SLC35A5: variants seen among roughly 807,000 people sequenced by gnomAD.
The protein encoded by SLC35A5 is solute carrier family 35 member A5, also known as UDP-sugar transporter protein SLC35A5.
Under a neutral mutation model 36.3 loss-of-function variants are expected in SLC35A5, and 28 were observed. The observed-to-expected ratio is 0.77, with a 90% confidence interval of 0.57 to 1.06. The LOEUF is 1.06. SLC35A5 is among the 50% of genes least tolerant of loss of function. SLC35A5 has a pLI of 0.00. For missense variants in SLC35A5, 521 were observed against 499.3 expected (o/e 1.04, Z -0.41); for synonymous variants, 180 against 173.7 (o/e 1.04, Z -0.29).
At chr3:112,580,461 A>G in intron 5 of SLC35A5, 85 bp from the exon 6 acceptor site, 1 of 1,430,874 alleles carries the variant, frequency 7.0e-7, no homozygotes, top group Non-Finnish European at 9.3e-7. Context: ...TATTCAACCA[A>G]ATACTCAAGT....
intron 5 of SLC35A5, among the ~76,000 whole-genome samples, chr3:112,578,031 A>G (rs748360571): frequency 6.6e-6 from 1 of 152,196 alleles, no homozygotes; most frequent in Non-Finnish European, 1.5e-5. Flanking sequence ...GTTGCTAGGA[A>G]AACTTATAGT....
At chr3:112,563,025 A>T (rs997481718) in intron 1 of SLC35A5, among the ~76,000 whole-genome samples, 1 of 152,216 alleles carries the variant, frequency 6.6e-6, no homozygotes, top group Non-Finnish European at 1.5e-5. Context: ...GCGCCGTTGC[A>T]CTCCAGCCTG....
At chr3:112,563,858 G>T (rs1934065986) in intron 2 of SLC35A5, among the ~76,000 whole-genome samples, 1 of 142,118 alleles carries the variant, frequency 7.0e-6, no homozygotes, top group South Asian at 2.1e-4. Context: ...GAAGTAGAAG[G>T]ATATATTTGT....
At position 112,570,562 on chromosome 3, in the gene SLC35A5, A is replaced by G. The variant is rs763011166; in HGVS notation, c.252A>G (p.Lys84=). 84 of 1,607,598 alleles carry G rather than the reference A, an allele frequency of 5.2e-5. No homozygotes were observed. The highest frequency in any genetic ancestry group is 6.8e-5 in the Non-Finnish European group (80 of 1,178,144). Residue 84 remains lysine (K), a synonymous_variant, in exon 4 of 7, where the codon AAA becomes AAG. Transcript: ENST00000492406. The part of the protein sequence containing the change: ...IKKDHQSRNL[K]YASWKEFSDF... ...AAGATCATCAAAGTAGAAATTTGAA[A>G]TATGCTTCCTGGAAGGAATTCTCTG... is the stretch of plus-strand genomic sequence containing the variant.
rs186000366 is a variant in SLC35A5, at chr3:112,580,392, C to T, written c.429-154C>T. Among the ~76,000 whole-genome samples the T allele has an allele frequency of 5.9e-5, 9 of 152,218 alleles. No individual in the cohort carries two copies. In the East Asian group the frequency reaches 1.7e-3, roughly 29 times the overall value. On this transcript the variant is annotated intron_variant, in intron 5 of 6. Transcript: ENST00000492406. ...AAACATTAAATTTGAGAGACAGGCA[C>T]CAACAGTTTTTCTCTGAACTTGAGT...
rs1007431056 is a variant in SLC35A5 at position 112,582,922 on chromosome 3, A to G, written c.*186A>G. On this transcript the variant is annotated 3_prime_UTR_variant, in exon 7 of 7. Transcript: ENST00000492406. ...AGTACCCAAAGGCTAAGAAATTCTA[A>G]AGAACTGATACAGGAGTAACAATAT... 8 of 536,058 alleles carry G rather than the reference A, an allele frequency of 1.5e-5. No homozygotes were observed. Among genetic ancestry groups the G allele is most frequent in the Non-Finnish European group, 2.6e-5 (8 of 303,968 alleles). The allele number at this position is 536,058 out of a possible 1,614,324, so 33.2% of individuals were successfully genotyped here. A position where few individuals can be genotyped will look rare whatever the true frequency, so the allele number is the denominator to read the frequency against.
upstream of SLC35A5, chr3:112,561,667 G>A: frequency 1.2e-6 from 1 of 823,316 alleles, no homozygotes; most frequent in Non-Finnish European, 1.9e-6. Flanking sequence ...GACGGGACGC[G>A]ACGCGACGGG....
At chr3:112,561,671 C>CGACGG (rs1490803828), upstream of SLC35A5, 1 of 813,840 alleles carries the variant, frequency 1.2e-6, no homozygotes, top group Non-Finnish European at 1.9e-6. Flanking sequence ...GGACGCGACG[C>CGACGG]GACGGGACGG....
intron 2 of SLC35A5, among the ~76,000 whole-genome samples, chr3:112,566,300 C>T (rs1181129644): frequency 1.3e-5 from 2 of 152,120 alleles, no homozygotes; most frequent in African/African-American, 4.8e-5. Flanking sequence ...GTCCCTACTG[C>T]AGTTTTCTGC....
rs1576750210 is a variant in SLC35A5, at chr3:112,570,817, T to G, written c.360+147T>G. 2.0e-5 allele frequency: 15 copies of G among 763,046 alleles called. No homozygotes were observed. In the South Asian group the frequency reaches 3.2e-4, roughly 16 times the overall value. 47.3% of individuals were successfully genotyped at this position (763,046 alleles called of 1,614,324 possible). On this transcript the variant is annotated intron_variant, in intron 4 of 6. Coordinates refer to ENST00000492406, the MANE Select transcript of SLC35A5 (RefSeq NM_017945.5). ...TGAGATTTCCCCAGAATTATCTGAGTCCTGAATTATCAATATGCGTGCCAG... is the reference window on the plus strand; with the variant it reads ...TGAGATTTCCCCAGAATTATCTGAGGCCTGAATTATCAATATGCGTGCCAG...
intron 2 of SLC35A5, among the ~76,000 whole-genome samples, chr3:112,567,841 G>A (rs894814632): frequency 6.6e-6 from 1 of 152,232 alleles, no homozygotes; most frequent in Non-Finnish European, 1.5e-5. Flanking sequence ...GGGTTTGAAA[G>A]TTATAATCCA....
intron 1 of SLC35A5, 131 bp downstream of exon 1, chr3:112,562,404 T>A (rs989425029): frequency 2.0e-5 from 3 of 152,386 alleles, no homozygotes; most frequent in African/African-American, 4.8e-5. Flanking sequence ...CCCCCTCCTG[T>A]CGGGGAGGCG....
intron 2 of SLC35A5, among the ~76,000 whole-genome samples, chr3:112,568,398 T>C (rs1253964312): frequency 2.0e-5 from 3 of 152,212 alleles, no homozygotes; most frequent in Non-Finnish European, 4.4e-5. Flanking sequence ...TTTATGTTTA[T>C]CCTTGGCAAA....
chr3:112,581,504 A>G (rs572687984), intron 6 of SLC35A5, among the ~76,000 whole-genome samples, 178 bp downstream of exon 6: 4 of 152,230 alleles, frequency 2.6e-5, no homozygotes, highest in Non-Finnish European at 5.9e-5. Context: ...CTCATAATCA[A>G]TGCTGTCAGG....
intron 4 of SLC35A5, among the ~76,000 whole-genome samples, chr3:112,570,877 T>C (rs1008201416): frequency 6.6e-6 from 1 of 152,172 alleles, no homozygotes; most frequent in Non-Finnish European, 1.5e-5. Flanking sequence ...TGTATTAAAC[T>C]GGGCTGACTA....
chr3:112,582,805 C>A lies in SLC35A5; in HGVS notation c.*69C>A. On this transcript the variant is annotated 3_prime_UTR_variant, in exon 7 of 7. Transcript: ENST00000492406. ...CATTTTCAGTGTTTGTAATATTTAT[C>A]TTTTCACTTTGATAAACCAGAAATG... The A allele has an allele frequency of 7.8e-7, 1 of 1,278,472 alleles. No individual in the cohort carries two copies. Among genetic ancestry groups the A allele is most frequent in the Non-Finnish European group, 1.1e-6 (1 of 888,566 alleles). The allele number at this position is 1,278,472 out of a possible 1,614,324, so 79.2% of individuals were successfully genotyped here. A position where few individuals can be genotyped will look rare whatever the true frequency, so the allele number is the denominator to read the frequency against.
At chr3:112,578,676 C>T (rs1934765867) in intron 5 of SLC35A5, among the ~76,000 whole-genome samples, 1 of 152,102 alleles carries the variant, frequency 6.6e-6, no homozygotes, top group Non-Finnish European at 1.5e-5. Context: ...ATTTTACGTT[C>T]CTTAGAGCAT....
At chr3:112,571,915 T>C (rs976132438) in intron 4 of SLC35A5, among the ~76,000 whole-genome samples, 32 of 147,934 alleles carry the variant, frequency 2.2e-4, no homozygotes, top group African/African-American at 6.5e-4. Flanking sequence ...GGTGTTTGAC[T>C]TTCCACAGTT....
intron 2 of SLC35A5, among the ~76,000 whole-genome samples, chr3:112,563,773 C>T (rs987305933): frequency 1.3e-5 from 2 of 152,166 alleles, no homozygotes; most frequent in Non-Finnish European, 2.9e-5. Flanking sequence ...AAGAACCAGT[C>T]GTAACATTTG....
Sources: gnomAD v4.1 joint callset for allele counts (sites outside exome capture counted in the v4.1 genomes callset) on GRCh38, gnomAD v4.1.1 for gene constraint, MANE v1.5 for transcripts, NCBI Gene and HGNC (gene_info 2026-07-23, HGNC 2026-07-21) for gene names.